ARHGEF10L: variants seen among roughly 807,000 people sequenced by gnomAD.
The protein encoded by ARHGEF10L is rho guanine nucleotide exchange factor 10-like protein.
Under a neutral mutation model 141.2 loss-of-function variants are expected in ARHGEF10L, and 69 were observed. That is an observed-to-expected ratio of 0.49 (90% confidence interval 0.40 to 0.60). The LOEUF (loss-of-function observed/expected upper bound fraction) is 0.60. Among genes scored for constraint, ARHGEF10L ranks in the 20% least tolerant of loss-of-function variants. ARHGEF10L has a pLI of 0.00. For synonymous variants in ARHGEF10L, 711 were observed against 718.5 expected, an observed-to-expected ratio of 0.99 and a Z score of 0.17; for missense variants, 1,482 against 1,734.3, an observed-to-expected ratio of 0.85 and a Z score of 2.58.
intron 4 of ARHGEF10L, among the ~76,000 whole-genome samples, chr1:17,592,817 C>T (rs570866157): frequency 2.8e-4 from 43 of 152,254 alleles, no homozygotes; most frequent in South Asian, 1.5e-3. Context: ...CGTCCTGTCC[C>T]GCAGGGTCCA....
chr1:17,549,710 C>T (rs1553169619), intron 1 of ARHGEF10L, among the ~76,000 whole-genome samples: 1 of 152,164 alleles, frequency 6.6e-6, no homozygotes, highest in Non-Finnish European at 1.5e-5. Context: ...AAAAGGAAAC[C>T]ATCGGAGGTT....
At position 17,627,300 on chromosome 1, in the gene ARHGEF10L, G is replaced by T. The variant is rs1557864623; in HGVS notation, c.1411-30G>T. 3.1e-6 allele frequency: 5 copies of T among 1,604,686 alleles called. No homozygotes were observed. The highest frequency in any genetic ancestry group is 4.3e-6 in the Non-Finnish European group (5 of 1,173,086). On this transcript the variant is annotated intron_variant, in intron 14 of 28. Coordinates refer to ENST00000361221, the MANE Select transcript of ARHGEF10L (RefSeq NM_018125.4). This position sits in a 1 kb window ranked among gnomAD's most constrained non-coding sequence, Gnocchi z 4.0. ...GCTGGGGTAGAGTTGGTCATGGGTG[G>T]GCTGCTCAGTCTCTGCTCTGACCTG...
chr1:17,590,805 G>A (rs560763792), intron 4 of ARHGEF10L, among the ~76,000 whole-genome samples: 2 of 152,240 alleles, frequency 1.3e-5, no homozygotes, highest in African/African-American at 4.8e-5. Flanking sequence ...TGGCCAACAT[G>A]GTGAAACCCC....
At chr1:17,601,799 T>C (rs962693715) in intron 4 of ARHGEF10L, among the ~76,000 whole-genome samples, 3 of 152,140 alleles carry the variant, frequency 2.0e-5, no homozygotes, top group Non-Finnish European at 4.4e-5. Context: ...CCTTCTGTTG[T>C]ATGTGGGAGA....
In ARHGEF10L at chr1:17,659,757, A is replaced by C. The variant is rs564099474; in HGVS notation, c.2860+3049A>C. Among the ~76,000 whole-genome samples, 5 of 152,322 alleles carry C rather than the reference A, an allele frequency of 3.3e-5. No homozygotes were observed. In the South Asian group the frequency reaches 1.0e-3, roughly 32 times the overall value. The stretch of plus-strand genomic sequence containing the variant: ...CCTGCCGGGTTAGGCTGAGACCAAG[A>C]CTGGCATTCCTGCTAAAACTGGCAT... On this transcript the variant is annotated intron_variant, in intron 25 of 28. Transcript: ENST00000361221.
rs2060459417 is a variant in ARHGEF10L, at chr1:17,627,603, T to C, written c.1584+100T>C. On this transcript the variant is annotated intron_variant, in intron 15 of 28. Coordinates refer to ENST00000361221, the MANE Select transcript of ARHGEF10L (RefSeq NM_018125.4). The surrounding 1 kb of genome is among the most constrained non-coding windows in gnomAD (Gnocchi z 4.0). ...CGCCACCCACACTAGGTGGCAGTGT[T>C]CTCTGAGGGAGGGGAGGCCTTGCTC... 1 of 1,419,038 alleles carries C rather than the reference T, an allele frequency of 7.0e-7. No homozygotes were observed. Among genetic ancestry groups the C allele is most frequent in the Admixed American group, 2.2e-5 (1 of 45,564 alleles). The allele number at this position is 1,419,038 out of a possible 1,614,324, so 87.9% of individuals were successfully genotyped here.
rs1375694350 is a variant in ARHGEF10L at position 17,654,179 on chromosome 1, C to A, written c.2395-457C>A. On this transcript the variant is annotated intron_variant, in intron 22 of 28. Transcript: ENST00000361221. The surrounding 1 kb of genome is among the most constrained non-coding windows in gnomAD (Gnocchi z 4.3). Reference sequence around the variant, plus strand: ...CTGTGGCAGCTGATTCAGGGGGGAGCAGGCGGAAGGTGGTTACTGGTGACA... The same window carrying A: ...CTGTGGCAGCTGATTCAGGGGGGAGAAGGCGGAAGGTGGTTACTGGTGACA... Among the ~76,000 whole-genome samples, 1 of 152,170 alleles carries A rather than the reference C, an allele frequency of 6.6e-6. No individual in the cohort carries two copies. The highest frequency in any genetic ancestry group is 1.5e-5 in the Non-Finnish European group (1 of 68,038).
At chr1:17,555,486 G>T (rs1427633020) in intron 1 of ARHGEF10L, among the ~76,000 whole-genome samples, 3 of 151,988 alleles carry the variant, frequency 2.0e-5, no homozygotes, top group African/African-American at 7.3e-5. Context: ...CTCTCAAGCA[G>T]CTGGGATTAC....
At chr1:17,645,131 T>C (rs1489060800) in intron 21 of ARHGEF10L, among the ~76,000 whole-genome samples, 1 of 152,094 alleles carries the variant, frequency 6.6e-6, no homozygotes, top group Non-Finnish European at 1.5e-5. Context: ...AGCTGGGTGC[T>C]AAATAAGCCC....
chr1:17,609,112 C>A (rs145733529), intron 7 of ARHGEF10L, among the ~76,000 whole-genome samples: 1 of 152,138 alleles, frequency 6.6e-6, no homozygotes, highest in African/African-American at 2.4e-5. Flanking sequence ...TGTAGCGGGG[C>A]GGGAGAGCTC....
At chr1:17,552,978 G>A (rs919389279) in intron 1 of ARHGEF10L, among the ~76,000 whole-genome samples, 22 of 152,166 alleles carry the variant, frequency 1.4e-4, no homozygotes, top group Non-Finnish European at 2.8e-4. Context: ...TGGGGCACTA[G>A]CATTCTGCCC....
Position 17,637,916 on chromosome 1 carries a change from C to G in ARHGEF10L, c.1956C>G (p.Leu652=), listed in dbSNP as rs968831221. The change falls in exon 19 of 29, where the codon CTC becomes CTG. Residue 652 remains leucine, a synonymous_variant. Transcript: ENST00000361221. ...QNKVYLGPPR[L]FQELQDLQKD... is the part of the protein sequence containing the mutation. ...AGGTGTACCTCGGCCCCCCACGCCT[C>G]TTCCAGGAGCTGCAGGACCTGCAGA... 1.3e-6 allele frequency: 2 copies of G among 1,598,684 alleles called. No homozygotes were observed. The highest frequency in any genetic ancestry group is 1.7e-6 in the Non-Finnish European group (2 of 1,172,664).
rs2081282410 is a variant in ARHGEF10L, at chr1:17,607,491, A to G, written c.434-311A>G. On this transcript the variant is annotated intron_variant, in intron 6 of 28. Transcript: ENST00000361221. This position sits in a 1 kb window ranked among gnomAD's most constrained non-coding sequence, Gnocchi z 4.5. ...CCCTGTCTCTAAAACAAAATTGCCAAGGAGGCTCACAATGAGCGCTGAGAC... is the reference window on the plus strand; with the variant it reads ...CCCTGTCTCTAAAACAAAATTGCCAGGGAGGCTCACAATGAGCGCTGAGAC... Among the ~76,000 whole-genome samples the G allele has an allele frequency of 6.6e-6, 1 of 152,204 alleles. No individual in the cohort carries two copies. Among genetic ancestry groups the G allele is most frequent in the African/African-American group, 2.4e-5 (1 of 41,446 alleles).
chr1:17,651,953 G>A (rs2061961992), intron 22 of ARHGEF10L, among the ~76,000 whole-genome samples: 2 of 152,170 alleles, frequency 1.3e-5, no homozygotes, highest in Admixed American at 1.3e-4. Flanking sequence ...GATGAAATAG[G>A]GCCTGGGAGT....
chr1:17,545,001 C>A (rs1162650396), intron 1 of ARHGEF10L, among the ~76,000 whole-genome samples: 2 of 152,140 alleles, frequency 1.3e-5, no homozygotes, highest in African/African-American at 2.4e-5. Context: ...TCAATTACCT[C>A]CCACCACGTC....
intron 1 of ARHGEF10L, among the ~76,000 whole-genome samples, chr1:17,576,648 C>G (rs1184219456): frequency 1.3e-5 from 2 of 152,182 alleles, no homozygotes. Context: ...AACAGAGGCC[C>G]CTGTCTACCC....
Position 17,588,472 on chromosome 1 carries a change from G to T in ARHGEF10L, c.250G>T (p.Gly84Cys). The change falls in exon 4 of 29, where the codon GGC (glycine) becomes TGC (cysteine). Residue 84 changes from glycine to cysteine, a missense_variant. This residue lies in a region of ARHGEF10L where 232 missense variants were observed against 225.9 expected (regional missense o/e 1.03). Coordinates refer to ENST00000361221, the MANE Select transcript of ARHGEF10L (RefSeq NM_018125.4). ...CCCAGACCCAGCAGCTGCTCCACCC[G>T]GCACAGGGTAAGTGAACCTTGCTCC... ...TDPDPAAAPP[G>C]TGVPAWVSNG... The T allele has an allele frequency of 6.2e-7, 1 of 1,613,984 alleles. No individual in the cohort carries two copies. Among genetic ancestry groups the T allele is most frequent in the Non-Finnish European group, 8.5e-7 (1 of 1,179,942 alleles).
Position 17,607,774 on chromosome 1 carries a change from G to A in ARHGEF10L, c.434-28G>A, listed in dbSNP as rs1313546407. The A allele has an allele frequency of 2.7e-5, 42 of 1,529,102 alleles. No homozygotes were observed. The highest frequency in any genetic ancestry group is 3.6e-5 in the Non-Finnish European group (41 of 1,142,102). 94.7% of individuals were successfully genotyped at this position (1,529,102 alleles called of 1,614,324 possible). A position where few individuals can be genotyped will look rare whatever the true frequency, so the allele number is the denominator to read the frequency against. On this transcript the variant is annotated intron_variant, in intron 6 of 28. Coordinates refer to ENST00000361221, the MANE Select transcript of ARHGEF10L (RefSeq NM_018125.4). This position sits in a 1 kb window ranked among gnomAD's most constrained non-coding sequence, Gnocchi z 4.5. ...CTGGTAGGCTTGGCCTCAGGGCCTG[G>A]GCTCACCGGCTGCCGCTTGGCCAGC...
chr1:17,690,917 T>C (rs1036010190), intron 27 of ARHGEF10L, among the ~76,000 whole-genome samples: 1 of 152,176 alleles, frequency 6.6e-6, no homozygotes, highest in Admixed American at 6.5e-5. Context: ...TAAAAGGCTT[T>C]TAAGTATTTT....
Sources: allele counts gnomAD v4.1 joint callset (sites outside exome capture counted in the v4.1 genomes callset), GRCh38; gene constraint gnomAD v4.1.1; regional missense constraint gnomAD v4.1.1; non-coding constraint Gnocchi (gnomAD v3.1); transcripts MANE v1.5; gene names NCBI Gene and HGNC (gene_info 2026-07-23, HGNC 2026-07-21).